PAK1IP1: variants seen among roughly 807,000 people sequenced by gnomAD.
The protein encoded by PAK1IP1 is p21-activated protein kinase-interacting protein 1.
PAK1IP1 carries 24 observed loss-of-function variants against 42.0 expected under a neutral mutation model. The ratio of observed to expected loss-of-function variants is 0.57; its 90% CI spans 0.41 to 0.80. The LOEUF (loss-of-function observed/expected upper bound fraction) is 0.80. Among genes scored for constraint, PAK1IP1 ranks in the 30% least tolerant of loss-of-function variants. The pLI, the probability that PAK1IP1 is intolerant of heterozygous loss-of-function variation, is 0.00. For missense variants in PAK1IP1, 411 were observed against 467.9 expected, an observed-to-expected ratio of 0.88 and a Z score of 1.12; for synonymous variants, 154 against 156.7, an observed-to-expected ratio of 0.98 and a Z score of 0.13.
Position 10,704,663 on chromosome 6 carries a change from A to T in PAK1IP1, c.642+11A>T, listed in dbSNP as rs369286226. ...GTTAAATTTCTTTCAGTAAGTAATC[A>T]GAAATCATTGACCAAAGTTTGTGGT... On this transcript the variant is annotated intron_variant, in intron 6 of 9. Transcript: ENST00000379568. 1.9e-6 allele frequency: 3 copies of T among 1,611,946 alleles called. No individual in the cohort carries two copies. In the African/African-American group the frequency reaches 4.0e-5, roughly 22 times the overall value.
chr6:10,693,468 C>G (rs1410941732), upstream of PAK1IP1, among the ~76,000 whole-genome samples: 1 of 152,236 alleles, frequency 6.6e-6, no homozygotes, highest in African/African-American at 2.4e-5. Flanking sequence ...AAGACCCAAA[C>G]TAGCCTCTAT....
rs1289450357 is a variant in PAK1IP1, at chr6:10,709,619, A to C, written c.*167A>C. The C allele has an allele frequency of 7.2e-6, 3 of 416,904 alleles. No homozygotes were observed. The highest frequency in any genetic ancestry group is 1.2e-5 in the Non-Finnish European group (3 of 243,738). 25.8% of individuals were successfully genotyped at this position (416,904 alleles called of 1,614,324 possible). On this transcript the variant is annotated 3_prime_UTR_variant, in exon 10 of 10. Coordinates refer to ENST00000379568, the MANE Select transcript of PAK1IP1 (RefSeq NM_017906.3). ...GGTTTTTTTTAAAAAAAAAAAAAAA[A>C]CTGGTAAAATTACTTTTGGCAGACA...
Position 10,698,936 on chromosome 6 carries a change from C to T in PAK1IP1, c.247+1450C>T, listed in dbSNP as rs562308336. ...TTGTCAAAGGCCAGGCGCGGTGGCT[C>T]GCGCCTGTAATCCCAGCACTTTGGG... On this transcript the variant is annotated intron_variant, in intron 2 of 9. Coordinates refer to ENST00000379568, the MANE Select transcript of PAK1IP1 (RefSeq NM_017906.3). Among the ~76,000 whole-genome samples, 130 of 152,064 alleles carry T rather than the reference C, an allele frequency of 8.5e-4. 1 individual carries two copies. Among genetic ancestry groups the T allele is most frequent in the African/African-American group, 2.8e-3 (118 of 41,518 alleles).
At chr6:10,706,666 C>T (rs1319108798) in intron 7 of PAK1IP1, among the ~76,000 whole-genome samples, 4 of 152,078 alleles carry the variant, frequency 2.6e-5, no homozygotes, top group Admixed American at 1.3e-4. Context: ...AGGCAGATCA[C>T]AAGGTCAGGA....
At chr6:10,702,309 C>A in intron 2 of PAK1IP1, 60 bp from the exon 3 acceptor site, 1 of 1,413,266 alleles carries the variant, frequency 7.1e-7, no homozygotes, top group Non-Finnish European at 1.0e-6. Context: ...GCCTTCAAAT[C>A]AGAAATGGAG....
At chr6:10,694,617 GGCCCCA>G, upstream of PAK1IP1, 7 of 198,918 alleles carry the variant, frequency 3.5e-5, no homozygotes, top group South Asian at 2.9e-4. Flanking sequence ...GCCGGAAGTC[GGCCCCA>G]CCTCCTCCTG....
At chr6:10,701,094 T>A (rs1213315885) in intron 2 of PAK1IP1, among the ~76,000 whole-genome samples, 1 of 152,148 alleles carries the variant, frequency 6.6e-6, no homozygotes, top group African/African-American at 2.4e-5. Context: ...TCCTTCTTTT[T>A]TGAGATGCAG....
intron 8 of PAK1IP1, 32 bp from the exon 9 acceptor site, chr6:10,708,921 G>T: frequency 6.5e-7 from 1 of 1,535,840 alleles, no homozygotes; most frequent in Non-Finnish European, 8.8e-7. Flanking sequence ...TATTGAAAAT[G>T]CACATTATGA....
intron 8 of PAK1IP1, among the ~76,000 whole-genome samples, chr6:10,708,688 C>T (rs375582910): frequency 1.3e-5 from 2 of 152,110 alleles, no homozygotes; most frequent in East Asian, 3.9e-4. Flanking sequence ...CCCTGCCCCC[C>T]ACCCCACAAC....
rs146960494 is a variant in PAK1IP1, at chr6:10,698,314, C to T, written c.247+828C>T. Among the ~76,000 whole-genome samples the T allele has an allele frequency of 5.2e-3, 787 of 151,908 alleles. 7 individuals carry two copies. Among genetic ancestry groups the T allele is most frequent in the African/African-American group, 0.018 (745 of 41,274 alleles). ...TAGTTTCAAAGATGTAGCGTCATAGCAATATCTGACTTTATTGAGGGCATA... is the reference window on the plus strand; with the variant it reads ...TAGTTTCAAAGATGTAGCGTCATAGTAATATCTGACTTTATTGAGGGCATA... On this transcript the variant is annotated intron_variant, in intron 2 of 9. Transcript: ENST00000379568.
At chr6:10,704,310 C>T (rs1449756688) in intron 5 of PAK1IP1, among the ~76,000 whole-genome samples, 197 bp from the exon 6 acceptor site, 1 of 152,190 alleles carries the variant, frequency 6.6e-6, no homozygotes, top group Admixed American at 6.5e-5. Flanking sequence ...CAGGTGTGAG[C>T]CACTGCACCT....
In PAK1IP1 at chr6:10,709,343, A is replaced by G; in HGVS notation, c.1070A>G (p.Asp357Gly). ...PNTKKRGLTG[D>G]SKKATKESGL... is the part of the protein sequence containing the mutation. ...ACAAAGAAACGCGGTTTAACAGGTG[A>G]CAGTAAGAAAGCAACAAAAGAAAGT... The change falls in exon 10 of 10, where the codon GAC (aspartate) becomes GGC (glycine). Residue 357 changes from aspartate to glycine, a missense_variant. Asp to Gly is a moderately conservative substitution (Grantham distance 94, BLOSUM62 -1). Transcript: ENST00000379568. The G allele has an allele frequency of 6.2e-7, 1 of 1,614,008 alleles. No homozygotes were observed. Among genetic ancestry groups the G allele is most frequent in the Middle Eastern group, 1.7e-4 (1 of 6,060 alleles).
intron 2 of PAK1IP1, 43 bp downstream of exon 2, chr6:10,697,529 C>T: frequency 7.0e-7 from 1 of 1,421,174 alleles, no homozygotes; most frequent in Non-Finnish European, 9.7e-7. Flanking sequence ...TAGAGGTTTT[C>T]TTTACAATTT....
At chr6:10,693,577 G>C (rs1412426576), upstream of PAK1IP1, among the ~76,000 whole-genome samples, 4 of 152,206 alleles carry the variant, frequency 2.6e-5, no homozygotes, top group African/African-American at 9.6e-5. Context: ...AATGGAGGCT[G>C]AAGATTTGAG....
chr6:10,699,900 T>TA (rs1769972580), intron 2 of PAK1IP1, among the ~76,000 whole-genome samples: 1 of 152,120 alleles, frequency 6.6e-6, no homozygotes, highest in Non-Finnish European at 1.5e-5. Context: ...AGTCTAAGAT[T>TA]AAGGCACCAG....
chr6:10,703,539 C>A, intron 5 of PAK1IP1, 82 bp downstream of exon 5: 1 of 978,462 alleles, frequency 1.0e-6, no homozygotes, highest in Non-Finnish European at 1.6e-6. Flanking sequence ...ACTTTTTGAG[C>A]ACTGATGTGG....
At chr6:10,694,605 C>A, upstream of PAK1IP1, 5 of 178,936 alleles carry the variant, frequency 2.8e-5, no homozygotes, top group South Asian at 2.1e-4. Context: ...CCTAAGCAAC[C>A]GGCCGGAAGT....
chr6:10,702,319 G>T, intron 2 of PAK1IP1, 50 bp from the exon 3 acceptor site: 1 of 1,492,638 alleles, frequency 6.7e-7, no homozygotes. Flanking sequence ...CAGAAATGGA[G>T]TTTGCATTTA....
intron 8 of PAK1IP1, 125 bp downstream of exon 8, chr6:10,707,639 G>A: frequency 1.7e-6 from 1 of 593,424 alleles, no homozygotes. Flanking sequence ...AGGCATGATT[G>A]ATATTAATGG....
Sources: gnomAD v4.1 joint callset for allele counts (sites outside exome capture counted in the v4.1 genomes callset) on GRCh38, gnomAD v4.1.1 for gene constraint, MANE v1.5 for transcripts, NCBI Gene and HGNC (gene_info 2026-07-23, HGNC 2026-07-21) for gene names.